PMM2: variants seen among roughly 807,000 people sequenced by gnomAD.
PMM2 encodes the protein phosphomannomutase 2.
Under a neutral mutation model 33.2 loss-of-function variants are expected in PMM2, and 35 were observed. That is an observed-to-expected ratio of 1.06 (90% confidence interval 0.81 to 1.40). PMM2 has a LOEUF of 1.40. PMM2 is among the 40% of genes most tolerant of loss of function. PMM2 has a pLI of 0.00. For missense variants in PMM2, 386 were observed against 306.0 expected (o/e 1.26, Z -1.95); for synonymous variants, 153 against 114.7 (o/e 1.33, Z -2.13).
intron 7 of PMM2, among the ~76,000 whole-genome samples, chr16:8,818,171 G>A (rs555278414): frequency 6.9e-4 from 105 of 152,200 alleles, no homozygotes; most frequent in Admixed American, 9.8e-4. Context: ...CAAAGTGCTG[G>A]GATTACAGGC....
intron 7 of PMM2, among the ~76,000 whole-genome samples, chr16:8,837,606 G>A (rs1319035830): frequency 6.6e-6 from 1 of 151,806 alleles, no homozygotes; most frequent in African/African-American, 2.4e-5. Context: ...AGATATAAGA[G>A]ATTGGGGCGC....
Position 8,847,792 on chromosome 16 carries a change from C to T in PMM2, c.708C>T (p.Asp236=), listed in dbSNP as rs752495420. The T allele has an allele frequency of 3.7e-6, 6 of 1,613,906 alleles. No individual in the cohort carries two copies. Among genetic ancestry groups the T allele is most frequent in the Non-Finnish European group, 5.1e-6 (6 of 1,179,882 alleles). Residue 236 remains aspartate (D), a synonymous_variant, in exon 8 of 8, where the codon GAC becomes GAT. Transcript: ENST00000268261. ...GCTACTCCGTGACAGCGCCTGAGGA[C>T]ACGCGCAGGATCTGTGAACTGCTGT... The part of the protein sequence containing the change: ...TMGYSVTAPE[D]TRRICELLFS
At chr16:8,815,300 A>C (rs2060701204) in intron 7 of PMM2, among the ~76,000 whole-genome samples, 1 of 149,968 alleles carries the variant, frequency 6.7e-6, no homozygotes, top group African/African-American at 2.5e-5. Context: ...GCTCACTGCA[A>C]CCTCCACCTC....
At chr16:8,836,230 C>T (rs904344182) in intron 7 of PMM2, among the ~76,000 whole-genome samples, 4 of 151,980 alleles carry the variant, frequency 2.6e-5, no homozygotes, top group East Asian at 1.9e-4. Flanking sequence ...ACCCGATGCT[C>T]GGCGTCCGTG....
rs572025593 is a variant in PMM2, at chr16:8,844,484, G to C, written c.640-3240G>C. On this transcript the variant is annotated intron_variant, in intron 7 of 7. Coordinates refer to ENST00000268261, the MANE Select transcript of PMM2 (RefSeq NM_000303.3). The stretch of plus-strand genomic sequence containing the variant: ...GCTAAGGGTGAAGGAGAAGGGGTTG[G>C]GGGGTTCTTGCCCCTGCCCCAGAAA... Among the ~76,000 whole-genome samples, 22 of 152,190 alleles carry C rather than the reference G, an allele frequency of 1.4e-4. No individual in the cohort carries two copies. The South Asian group carries it at 4.6e-3, about 32-fold the overall frequency.
At chr16:8,846,152 TG>T (rs1238033358) in intron 7 of PMM2, among the ~76,000 whole-genome samples, 1 of 152,188 alleles carries the variant, frequency 6.6e-6, no homozygotes, top group Non-Finnish European at 1.5e-5. Context: ...CAGCACTCCC[TG>T]GGCCCAGCGA....
chr16:8,804,658 A>G (rs2060636262), intron 2 of PMM2, 109 bp from the exon 3 acceptor site: 3 of 766,284 alleles, frequency 3.9e-6, no homozygotes, highest in African/African-American at 3.5e-5. Context: ...AGTCTTTCAC[A>G]GTCCTTGCTG....
At chr16:8,832,483 C>G in intron 7 of PMM2, 1 of 985,436 alleles carries the variant, frequency 1.0e-6, no homozygotes, top group East Asian at 1.1e-4. Context: ...CGGGAGGAGA[C>G]TCGTGCCGTT....
chr16:8,834,045 G>T (rs1463832784), intron 7 of PMM2, among the ~76,000 whole-genome samples: 1 of 152,144 alleles, frequency 6.6e-6, no homozygotes, highest in Middle Eastern at 3.4e-3. Flanking sequence ...GTTTTGGGGG[G>T]CACAGTCTAA....
rs754468741 is a variant in PMM2 at position 8,801,784 on chromosome 16, T to C, written c.67-15T>C. On this transcript the variant is annotated splice_polypyrimidine_tract_variant and intron_variant, in intron 1 of 7. Transcript: ENST00000268261. ...TGTGGCTTATGACTGTTGTATTTTC[T>C]TTCTTGAAATTTAGAAAATTACCAA... 1 of 1,541,236 alleles carries C rather than the reference T, an allele frequency of 6.5e-7. No individual in the cohort carries two copies. Among genetic ancestry groups the C allele is most frequent in the South Asian group, 1.1e-5 (1 of 87,752 alleles).
chr16:8,839,760 C>T (rs978631910), intron 7 of PMM2, among the ~76,000 whole-genome samples: 7 of 151,654 alleles, frequency 4.6e-5, no homozygotes, highest in Admixed American at 4.6e-4. Flanking sequence ...AAAGGAACAT[C>T]GAGAAGGTGA....
rs140012548 is a variant in PMM2 at position 8,836,954 on chromosome 16, A to T, written c.640-10770A>T. Among the ~76,000 whole-genome samples, 5 of 152,214 alleles carry T rather than the reference A, an allele frequency of 3.3e-5. No homozygotes were observed. In the East Asian group the frequency reaches 9.6e-4, roughly 29 times the overall value. On this transcript the variant is annotated intron_variant, in intron 7 of 7. Coordinates refer to ENST00000268261, the MANE Select transcript of PMM2 (RefSeq NM_000303.3). ...GGGCAGGTGGGGGAGGGCCAGTCAC[A>T]GAATGAACTGTAAGCTGGTCCAGGT...
Position 8,812,999 on chromosome 16 carries a change from A to G in PMM2, c.532A>G (p.Ile178Val), listed in dbSNP as rs2060685834. 3 of 1,607,352 alleles carry G rather than the reference A, an allele frequency of 1.9e-6. No homozygotes were observed. Among genetic ancestry groups the G allele is most frequent in the Non-Finnish European group, 2.6e-6 (3 of 1,173,724 alleles). ...KGLTFSIGGQ[I>V]SFDVFPDGWD... Reference sequence around the variant, plus strand: ...CCGTCCCCACCCGGCAGGAGGCCAGATCAGCTTTGATGTCTTTCCTGATGG... The same window carrying G: ...CCGTCCCCACCCGGCAGGAGGCCAGGTCAGCTTTGATGTCTTTCCTGATGG... Residue 178 changes from isoleucine (I) to valine (V), a missense_variant, in exon 7 of 8, where the codon ATC becomes GTC. Physicochemically the swap from Ile to Val is conservative, Grantham distance 29. Coordinates refer to ENST00000268261, the MANE Select transcript of PMM2 (RefSeq NM_000303.3).
At chr16:8,838,662 T>C (rs1382310928) in intron 7 of PMM2, among the ~76,000 whole-genome samples, 1 of 151,748 alleles carries the variant, frequency 6.6e-6, no homozygotes, top group Non-Finnish European at 1.5e-5. Flanking sequence ...CAGTTTTGGA[T>C]GAATTGAGAA....
chr16:8,807,944 A>G (rs1419196852), intron 4 of PMM2: 2 of 152,260 alleles, frequency 1.3e-5, no homozygotes, highest in Non-Finnish European at 2.9e-5. Flanking sequence ...AAATGTTAAC[A>G]GTGGCTATTT....
intron 7 of PMM2, among the ~76,000 whole-genome samples, chr16:8,817,997 G>A (rs1224078984): frequency 7.4e-5 from 11 of 149,392 alleles, no homozygotes; most frequent in Middle Eastern, 3.5e-3. Context: ...TCCACCTCCC[G>A]GGTTCACACC....
intron 7 of PMM2, among the ~76,000 whole-genome samples, chr16:8,842,582 A>C (rs1471708318): frequency 6.6e-6 from 1 of 152,206 alleles, no homozygotes; most frequent in Non-Finnish European, 1.5e-5. Context: ...TTTAAGATCA[A>C]GTGTGGAATA....
intron 7 of PMM2, among the ~76,000 whole-genome samples, chr16:8,814,625 G>A (rs2060696032): frequency 6.6e-6 from 1 of 152,218 alleles, no homozygotes; most frequent in South Asian, 2.1e-4. Context: ...AAGGGTAAGG[G>A]ATTTGCCGAA....
Position 8,820,562 on chromosome 16 carries a change from C to T in PMM2, c.639+7456C>T, listed in dbSNP as rs543259877. Among the ~76,000 whole-genome samples, 11 of 152,242 alleles carry T rather than the reference C, an allele frequency of 7.2e-5. No homozygotes were observed. In the East Asian group the frequency reaches 2.1e-3, roughly 29 times the overall value. The stretch of plus-strand genomic sequence containing the variant: ...AGAGACGGGGTTTCACCATCTTGGC[C>T]AGGCTGGTCTTGAACTCCTAACCTC... On this transcript the variant is annotated intron_variant, in intron 7 of 7. Transcript: ENST00000268261.
Sources: allele counts gnomAD v4.1 joint callset (sites outside exome capture counted in the v4.1 genomes callset), GRCh38; gene constraint gnomAD v4.1.1; transcripts MANE v1.5; gene names NCBI Gene and HGNC (gene_info 2026-07-23, HGNC 2026-07-21).